The following CDH9 variants were observed in gnomAD, a reference collection of about 807,000 sequenced individuals.
CDH9 encodes cadherin 9, also known as cadherin-9.
CDH9 carries 28 observed loss-of-function variants against 70.9 expected under a neutral mutation model. The ratio of observed to expected loss-of-function variants is 0.40; its 90% CI spans 0.29 to 0.54. The LOEUF (loss-of-function observed/expected upper bound fraction) is 0.54. Ranked by LOEUF, CDH9 falls within the 20% of genes least tolerant of loss-of-function variation. The probability of loss-of-function intolerance (pLI) is 0.59; values close to 1 mark genes in which losing one functional copy is unlikely to be tolerated. For missense variants in CDH9, 874 were observed against 984.4 expected, an observed-to-expected ratio of 0.89 and a Z score of 1.50; for synonymous variants, 409 against 343.1, an observed-to-expected ratio of 1.19 and a Z score of -2.12.
At chr5:26,984,958 T>C (rs1004958236) in intron 2 of CDH9, among the ~76,000 whole-genome samples, 5 of 152,164 alleles carry the variant, frequency 3.3e-5, no homozygotes, top group Non-Finnish European at 5.9e-5. Context: ...TTCTGCAGTA[T>C]TGCCTTATTA....
chr5:26,975,072 C>T (rs936464651), intron 2 of CDH9, among the ~76,000 whole-genome samples: 1 of 152,072 alleles, frequency 6.6e-6, no homozygotes, highest in Non-Finnish European at 1.5e-5. Context: ...TGACTATGAC[C>T]TTTGACATCT....
intron 1 of CDH9, among the ~76,000 whole-genome samples, chr5:27,036,022 G>T (rs1039540659): frequency 6.6e-5 from 10 of 151,398 alleles, no homozygotes; most frequent in African/African-American, 2.2e-4. Context: ...ATACTTTCTT[G>T]CATATTATAT....
rs373970588 is a variant in CDH9, at chr5:26,933,571, C to T, written c.229-17647G>A. ...GCGGGTGGATCACAAGTCAAGAGAT[C>T]GAGACCATCCAGGCCAACATGGTGA... is the stretch of plus-strand genomic sequence containing the variant. On this transcript the variant is annotated intron_variant, in intron 2 of 11. Coordinates refer to ENST00000231021, the MANE Select transcript of CDH9 (RefSeq NM_016279.4). 4.0e-5 allele frequency among the ~76,000 whole-genome samples: 6 copies of T among 151,740 alleles called. 1 individual carries two copies. Among genetic ancestry groups the T allele is most frequent in the African/African-American group, 1.4e-4 (6 of 41,438 alleles).
intron 2 of CDH9, among the ~76,000 whole-genome samples, chr5:26,944,827 G>C (rs577024468): frequency 6.6e-6 from 1 of 151,464 alleles, no homozygotes; most frequent in African/African-American, 2.4e-5. Flanking sequence ...TTCCAACACC[G>C]ACAGGAAGCT....
chr5:26,906,570 G>A, intron 4 of CDH9, 149 bp downstream of exon 4: 2 of 1,181,042 alleles, frequency 1.7e-6, no homozygotes, highest in Non-Finnish European at 2.3e-6. Context: ...TAGAAAGTTT[G>A]CATTTGTTTA....
chr5:27,005,313 G>T (rs539725643), intron 1 of CDH9, among the ~76,000 whole-genome samples: 1 of 152,088 alleles, frequency 6.6e-6, no homozygotes, highest in South Asian at 2.1e-4. Context: ...GAAGGGCAAA[G>T]ATTTCATGAC....
chr5:26,891,721 A>G (rs879938874), intron 7 of CDH9, among the ~76,000 whole-genome samples: 20 of 152,178 alleles, frequency 1.3e-4, no homozygotes, highest in African/African-American at 4.6e-4. Context: ...GGAAGGCAGA[A>G]AATTGGTTTA....
chr5:26,962,039 A>G (rs1335940682), intron 2 of CDH9, among the ~76,000 whole-genome samples: 1 of 152,040 alleles, frequency 6.6e-6, no homozygotes, highest in Non-Finnish European at 1.5e-5. Context: ...ATGTGTTCTC[A>G]TTGTTAAACT....
chr5:26,887,757 C>T (rs1740589594), intron 9 of CDH9, among the ~76,000 whole-genome samples: 1 of 151,980 alleles, frequency 6.6e-6, no homozygotes, highest in South Asian at 2.1e-4. Context: ...CTGGAGTCCT[C>T]ATAAGAAGAA....
intron 2 of CDH9, among the ~76,000 whole-genome samples, chr5:26,948,788 G>A (rs1741796656): frequency 6.6e-6 from 1 of 152,184 alleles, no homozygotes; most frequent in Non-Finnish European, 1.5e-5. Flanking sequence ...GACAATGGGT[G>A]ACAAAAAAGG....
At chr5:26,979,620 A>G (rs10068032) in intron 2 of CDH9, among the ~76,000 whole-genome samples, 71,757 of 151,512 alleles carry the variant, frequency 0.47, 17,812 homozygotes, top group African/African-American at 0.52. Context: ...ACCAACTCTG[A>G]GCCCTTTATA....
intron 2 of CDH9, among the ~76,000 whole-genome samples, chr5:26,961,934 A>G (rs147324403): frequency 0.016 from 2,476 of 152,064 alleles, 62 homozygotes; most frequent in African/African-American, 0.057. Flanking sequence ...CCATCAACTC[A>G]TCATTTACAT....
intron 1 of CDH9, among the ~76,000 whole-genome samples, chr5:27,001,991 AG>A (rs1579506047): frequency 6.6e-6 from 1 of 152,154 alleles, no homozygotes; most frequent in African/African-American, 2.4e-5. Context: ...GAATTCCTAC[AG>A]AGTGGGAGAA....
At chr5:26,967,766 C>A (rs1286519041) in intron 2 of CDH9, among the ~76,000 whole-genome samples, 4 of 151,884 alleles carry the variant, frequency 2.6e-5, no homozygotes, top group Middle Eastern at 6.8e-3. Flanking sequence ...AGTGGCACAA[C>A]CATAGCTCAC....
At chr5:27,024,200 T>C (rs558277058) in intron 1 of CDH9, among the ~76,000 whole-genome samples, 1 of 152,178 alleles carries the variant, frequency 6.6e-6, no homozygotes, top group East Asian at 1.9e-4. Flanking sequence ...TTTTCAAATA[T>C]ATTTTTCATA....
At chr5:26,926,324 G>A (rs1435185938) in intron 2 of CDH9, among the ~76,000 whole-genome samples, 1 of 151,902 alleles carries the variant, frequency 6.6e-6, no homozygotes, top group South Asian at 2.1e-4. Context: ...CAAATCATGA[G>A]TGAACTCCCA....
chr5:26,995,976 A>G (rs2112099671), intron 1 of CDH9, among the ~76,000 whole-genome samples: 1 of 152,156 alleles, frequency 6.6e-6, no homozygotes, highest in Non-Finnish European at 1.5e-5. Flanking sequence ...ATATTTGAGA[A>G]AAATGTCTGC....
chr5:26,948,809 G>A (rs1211529122), intron 2 of CDH9, among the ~76,000 whole-genome samples: 1 of 152,134 alleles, frequency 6.6e-6, no homozygotes, highest in Admixed American at 6.6e-5. Flanking sequence ...CTATATCTAT[G>A]GATTGGCTTA....
intron 2 of CDH9, among the ~76,000 whole-genome samples, chr5:26,975,818 T>C (rs1327078761): frequency 6.6e-6 from 1 of 152,150 alleles, no homozygotes; most frequent in Non-Finnish European, 1.5e-5. Flanking sequence ...CCTCTGAGGG[T>C]AATTCCCAGT....
Sources: gnomAD v4.1 joint callset for allele counts (sites outside exome capture counted in the v4.1 genomes callset) on GRCh38, gnomAD v4.1.1 for gene constraint, MANE v1.5 for transcripts, NCBI Gene and HGNC (gene_info 2026-07-23, HGNC 2026-07-21) for gene names.